The following GRM1 variants were observed in gnomAD, a reference collection of about 807,000 sequenced individuals.
GRM1 encodes glutamate metabotropic receptor 1.
In GRM1, 33 loss-of-function variants were observed where a neutral mutation model predicts 90.9. The observed-to-expected ratio is 0.36, with a 90% CI of 0.28 to 0.49. GRM1 has a LOEUF of 0.49. Among genes scored for constraint, GRM1 ranks in the 20% least tolerant of loss-of-function variants. GRM1 has a pLI of 0.99. For synonymous variants in GRM1, 700 were observed against 613.2 expected, an observed-to-expected ratio of 1.14 and a Z score of -2.09; for missense variants, 1,190 against 1,534.3, an observed-to-expected ratio of 0.78 and a Z score of 3.75.
At chr6:146,275,480 C>A (rs1252718255) in intron 2 of GRM1, among the ~76,000 whole-genome samples, 1 of 151,902 alleles carries the variant, frequency 6.6e-6, no homozygotes, top group Non-Finnish European at 1.5e-5. Context: ...GCTCTAGTTT[C>A]CCCCCACCCG....
chr6:146,078,806 TCTC>T (rs1776271418), intron 1 of GRM1, among the ~76,000 whole-genome samples: 1 of 152,146 alleles, frequency 6.6e-6, no homozygotes, highest in Non-Finnish European at 1.5e-5. Context: ...AACGGTGTGT[TCTC>T]CTCTCTCTGT....
At chr6:146,277,877 T>C (rs1158453162) in intron 2 of GRM1, among the ~76,000 whole-genome samples, 2 of 152,104 alleles carry the variant, frequency 1.3e-5, no homozygotes. Context: ...ATTAATAATA[T>C]CACTTCAGAA....
At chr6:146,204,916 A>G (rs958519456) in intron 2 of GRM1, among the ~76,000 whole-genome samples, 3 of 152,018 alleles carry the variant, frequency 2.0e-5, no homozygotes, top group South Asian at 4.1e-4. Flanking sequence ...TTTAAGATAT[A>G]TCCTCACATT....
At chr6:146,150,929 C>A (rs111235422) in intron 1 of GRM1, among the ~76,000 whole-genome samples, 1 of 110,698 alleles carries the variant, frequency 9.0e-6, no homozygotes, top group Admixed American at 1.0e-4. Context: ...CACACACACG[C>A]GTGTGCGCGC....
At chr6:146,297,193 C>T (rs977660575) in intron 2 of GRM1, among the ~76,000 whole-genome samples, 2 of 150,994 alleles carry the variant, frequency 1.3e-5, no homozygotes, top group East Asian at 3.9e-4. Context: ...TGGAGTCTCA[C>T]TCTTTCGCTC....
At chr6:146,426,484 G>C in intron 7 of GRM1, 1 of 1,363,518 alleles carries the variant, frequency 7.3e-7, no homozygotes, top group Admixed American at 1.9e-5. Flanking sequence ...CACTGCCTGA[G>C]TGGTGGACTT....
At chr6:146,090,391 G>A (rs1776675743) in intron 1 of GRM1, among the ~76,000 whole-genome samples, 1 of 152,058 alleles carries the variant, frequency 6.6e-6, no homozygotes, top group African/African-American at 2.4e-5. Flanking sequence ...TACTTTAGTA[G>A]GACTCTGTGG....
rs944505729 is a variant in GRM1 at position 146,304,726 on chromosome 6, A to G, written c.1066A>G (p.Lys356Glu). 1.2e-6 allele frequency: 2 copies of G among 1,613,958 alleles called. No individual in the cohort carries two copies. Among genetic ancestry groups the G allele is most frequent in the African/African-American group, 1.3e-5 (1 of 75,026 alleles). ...CAGGTCATTTGATGATTATTTCCTGAAACTGAGGCTGGACACTAACACGAG... is the reference window on the plus strand; with the variant it reads ...CAGGTCATTTGATGATTATTTCCTGGAACTGAGGCTGGACACTAACACGAG... ...EVRSFDDYFL[K>E]LRLDTNTRNP... Residue 356 changes from lysine to glutamate, a missense_variant, in exon 3 of 8, where the codon AAA (lysine) becomes GAA (glutamate). This residue lies in a region of GRM1 where 414 missense variants were observed against 598.4 expected (regional missense o/e 0.69). Transcript: ENST00000282753.
chr6:146,413,570 C>T (rs1359731018), intron 7 of GRM1, among the ~76,000 whole-genome samples: 2 of 152,184 alleles, frequency 1.3e-5, no homozygotes, highest in East Asian at 1.9e-4. Context: ...CATGTACATG[C>T]TATTGAAGTA....
intron 3 of GRM1, among the ~76,000 whole-genome samples, chr6:146,323,602 C>A (rs1253071389): frequency 6.6e-6 from 1 of 152,138 alleles, no homozygotes; most frequent in Non-Finnish European, 1.5e-5. Flanking sequence ...TTAATTAGAT[C>A]CCATTTGTCA....
chr6:146,061,921 G>T (rs1253683197), intron 1 of GRM1, among the ~76,000 whole-genome samples: 1 of 152,116 alleles, frequency 6.6e-6, no homozygotes, highest in Non-Finnish European at 1.5e-5. Context: ...TTCAATCATT[G>T]TGGAAGACAG....
chr6:146,404,398 A>C (rs1332869223), intron 7 of GRM1, among the ~76,000 whole-genome samples: 1 of 152,126 alleles, frequency 6.6e-6, no homozygotes, highest in African/African-American at 2.4e-5. Context: ...ACACTAAAAA[A>C]TATAACTAAA....
chr6:146,328,803 G>A (rs1023594897), intron 3 of GRM1, among the ~76,000 whole-genome samples: 1 of 152,074 alleles, frequency 6.6e-6, no homozygotes, highest in African/African-American at 2.4e-5. Flanking sequence ...CATCTCAGGG[G>A]AAATTTTTAT....
chr6:146,190,132 C>G (rs1484133824), intron 2 of GRM1, among the ~76,000 whole-genome samples: 2 of 152,070 alleles, frequency 1.3e-5, no homozygotes, highest in Non-Finnish European at 2.9e-5. Context: ...TGGACCTTTA[C>G]AAGAAATGGA....
intron 7 of GRM1, among the ~76,000 whole-genome samples, chr6:146,400,159 G>A (rs542876536): frequency 6.6e-6 from 1 of 152,204 alleles, no homozygotes; most frequent in East Asian, 1.9e-4. Context: ...CTTCTAAACC[G>A]GGGTGAAAGG....
intron 2 of GRM1, among the ~76,000 whole-genome samples, chr6:146,190,935 T>C (rs923362403): frequency 1.3e-5 from 2 of 152,214 alleles, no homozygotes; most frequent in African/African-American, 4.8e-5. Flanking sequence ...TGGGATGTAG[T>C]TCAAGCTCCT....
intron 6 of GRM1, 123 bp from the exon 7 acceptor site, chr6:146,398,646 A>G: frequency 1.3e-6 from 1 of 791,528 alleles, no homozygotes; most frequent in Non-Finnish European, 2.3e-6. Flanking sequence ...ATTTTTAAAA[A>G]AGCATTAAAT....
intron 2 of GRM1, among the ~76,000 whole-genome samples, chr6:146,239,948 C>T (rs1184246008): frequency 6.6e-6 from 1 of 152,094 alleles, no homozygotes; most frequent in Non-Finnish European, 1.5e-5. Flanking sequence ...GAGAAGAGCA[C>T]AAGCTCTTGG....
intron 2 of GRM1, among the ~76,000 whole-genome samples, chr6:146,286,712 G>A (rs1782777591): frequency 6.6e-6 from 1 of 152,162 alleles, no homozygotes; most frequent in Non-Finnish European, 1.5e-5. Flanking sequence ...TTGCTGCAAG[G>A]AACTTGAAGA....
Sources: gnomAD v4.1 joint callset for allele counts (sites outside exome capture counted in the v4.1 genomes callset) on GRCh38, gnomAD v4.1.1 for gene constraint, gnomAD v4.1.1 regional missense constraint, MANE v1.5 for transcripts, NCBI Gene and HGNC (gene_info 2026-07-23, HGNC 2026-07-21) for gene names.